Variants in IPO7 observed in about 807,000 individuals in gnomAD.
The protein encoded by IPO7 is importin 7, also known as importin-7.
IPO7 carries 13 observed loss-of-function variants against 136.4 expected under a neutral mutation model. The observed-to-expected ratio is 0.10, with a 90% CI of 0.06 to 0.15. The LOEUF (loss-of-function observed/expected upper bound fraction) is 0.15. IPO7 is among the 10% of genes least tolerant of loss of function. The probability of loss-of-function intolerance (pLI) is 1.00; values close to 1 mark genes in which losing one functional copy is unlikely to be tolerated. For synonymous variants in IPO7, 403 were observed against 404.4 expected (o/e 1.00, Z 0.04); for missense variants, 857 against 1,240.6 (o/e 0.69, Z 4.65).
intron 1 of IPO7, among the ~76,000 whole-genome samples, chr11:9,395,433 G>A (rs1181851694): frequency 3.3e-5 from 5 of 151,908 alleles, no homozygotes; most frequent in African/African-American, 1.2e-4. Context: ...CAGAGATGGG[G>A]TTTCACCATG....
intron 8 of IPO7, among the ~76,000 whole-genome samples, chr11:9,422,408 G>T (rs912979271): frequency 4.9e-4 from 72 of 145,914 alleles, no homozygotes; most frequent in African/African-American, 1.5e-3. Flanking sequence ...ACACAGTTTT[G>T]TTTTTTTTTT....
chr11:9,399,822 A>G (rs1854767772), intron 1 of IPO7, among the ~76,000 whole-genome samples: 1 of 152,160 alleles, frequency 6.6e-6, no homozygotes, highest in Non-Finnish European at 1.5e-5. Flanking sequence ...AATGGTTGGC[A>G]ATGTTCACAT....
chr11:9,408,557 C>A lies in IPO7; in HGVS notation c.238C>A (p.Pro80Thr). Residue 80 changes from proline to threonine, a missense_variant, in exon 3 of 25, where the codon CCT becomes ACT. Pro to Thr is a conservative substitution (Grantham distance 38). This residue lies in a region of IPO7 where 287 missense variants were observed against 307.5 expected (regional missense o/e 0.93). Coordinates refer to ENST00000379719, the MANE Select transcript of IPO7 (RefSeq NM_006391.3). Reference protein sequence around the residue: ...DRETAPGDISPYTIPEEDRHC... With the variant: ...DRETAPGDISTYTIPEEDRHC... ...AGAAACAGCACCAGGGGATATATCC[C>A]CTTATACTATTCCAGAAGAAGATCG... 1 of 1,609,876 alleles carries A rather than the reference C, an allele frequency of 6.2e-7. No individual in the cohort carries two copies. Among genetic ancestry groups the A allele is most frequent in the South Asian group, 1.1e-5 (1 of 90,528 alleles).
At chr11:9,427,198 A>T (rs2133754137) in intron 12 of IPO7, among the ~76,000 whole-genome samples, 1 of 152,234 alleles carries the variant, frequency 6.6e-6, no homozygotes, top group East Asian at 1.9e-4. Context: ...TTGAGTTGTT[A>T]GAAATCTTTA....
intron 1 of IPO7, among the ~76,000 whole-genome samples, chr11:9,388,073 G>C (rs1274338532): frequency 6.6e-6 from 1 of 151,682 alleles, no homozygotes; most frequent in Non-Finnish European, 1.5e-5. Flanking sequence ...CTTGAACCCG[G>C]GAGGTGGAGG....
intron 2 of IPO7, 82 bp from the exon 3 acceptor site, chr11:9,408,404 A>G (rs1854918151): frequency 5.0e-6 from 4 of 795,568 alleles, no homozygotes; most frequent in Non-Finnish European, 5.4e-6. Context: ...TGTGAAAGAA[A>G]TACTTGAGGT....
chr11:9,423,686 T>A (rs1389879229), intron 9 of IPO7, 91 bp from the exon 10 acceptor site: 1 of 735,920 alleles, frequency 1.4e-6, no homozygotes, highest in Non-Finnish European at 2.3e-6. Flanking sequence ...AAAATACATA[T>A]AGTGTTACTT....
chr11:9,423,745 T>C (rs767730133), intron 9 of IPO7, 32 bp from the exon 10 acceptor site: 4 of 1,340,676 alleles, frequency 3.0e-6, no homozygotes, highest in African/African-American at 1.5e-5. Flanking sequence ...TGAAAACTGA[T>C]GGTTATTGTT....
chr11:9,429,916 C>T (rs1855268674), intron 15 of IPO7, 82 bp downstream of exon 15: 1 of 1,028,384 alleles, frequency 9.7e-7, no homozygotes, highest in Non-Finnish European at 1.4e-6. Context: ...CAGTGGCTTG[C>T]CTTACCTTAT....
intron 8 of IPO7, among the ~76,000 whole-genome samples, chr11:9,422,282 T>C (rs892359039): frequency 2.6e-5 from 4 of 151,718 alleles, no homozygotes; most frequent in African/African-American, 9.7e-5. Context: ...AATAAACAAA[T>C]AAATAAATAA....
At position 9,431,019 on chromosome 11, in the gene IPO7, A is replaced by C. The variant is rs1242967039; in HGVS notation, c.1881+16A>C. 1 of 1,606,448 alleles carries C rather than the reference A, an allele frequency of 6.2e-7. No individual in the cohort carries two copies. The highest frequency in any genetic ancestry group is 2.2e-5 in the East Asian group (1 of 44,752). On this transcript the variant is annotated intron_variant, in intron 16 of 24. Coordinates refer to ENST00000379719, the MANE Select transcript of IPO7 (RefSeq NM_006391.3). Reference sequence around the variant, plus strand: ...TCATAAAGAGGTAAGAAGATGATCTAGTGTTGCAGTTTTTCAAGCCATTTT... The same window carrying C: ...TCATAAAGAGGTAAGAAGATGATCTCGTGTTGCAGTTTTTCAAGCCATTTT...
rs555468081 is a variant in IPO7, at chr11:9,422,358, A to G, written c.907-648A>G. On this transcript the variant is annotated intron_variant, in intron 8 of 24. Coordinates refer to ENST00000379719, the MANE Select transcript of IPO7 (RefSeq NM_006391.3). ...ATAAGGCATCAGAACATTTAACACC[A>G]TGGTTTTGTACCATTGGTGCAAATA... Among the ~76,000 whole-genome samples, 204 of 152,208 alleles carry G rather than the reference A, an allele frequency of 1.3e-3. 3 individuals carry two copies. Among genetic ancestry groups the G allele is most frequent in the African/African-American group, 3.4e-3 (141 of 41,538 alleles).
At chr11:9,422,179 T>G (rs11042345) in intron 8 of IPO7, among the ~76,000 whole-genome samples, 1 of 151,928 alleles carries the variant, frequency 6.6e-6, no homozygotes, top group East Asian at 1.9e-4. Flanking sequence ...CTCGGGAGGC[T>G]GAGGCAGGAG....
chr11:9,401,056 C>A (rs767429543), intron 1 of IPO7, among the ~76,000 whole-genome samples: 1 of 151,974 alleles, frequency 6.6e-6, no homozygotes, highest in African/African-American at 2.4e-5. Context: ...TGGCATGTGC[C>A]TGTAATCCCA....
intron 4 of IPO7, among the ~76,000 whole-genome samples, chr11:9,412,047 G>C (rs1232889591): frequency 6.6e-6 from 1 of 152,206 alleles, no homozygotes; most frequent in Admixed American, 6.5e-5. Flanking sequence ...AGATTGGAGA[G>C]TGCAAATGGC....
Position 9,420,739 on chromosome 11 carries a change from C to G in IPO7, c.906+41C>G, listed in dbSNP as rs112412417. Reference sequence around the variant, plus strand: ...GTTTTTCTCAGTGGAAACATGGCATCTTTAAGTTAATTTATATATTGCTTA... The same window carrying G: ...GTTTTTCTCAGTGGAAACATGGCATGTTTAAGTTAATTTATATATTGCTTA... On this transcript the variant is annotated intron_variant, in intron 8 of 24. Transcript: ENST00000379719. The G allele has an allele frequency of 9.0e-3, 11,943 of 1,320,090 alleles. 506 individuals carry two copies. The African/African-American group carries it at 0.11, about 12-fold the overall frequency. The allele number at this position is 1,320,090 out of a possible 1,614,324, so 81.8% of individuals were successfully genotyped here. A position where few individuals can be genotyped will look rare whatever the true frequency, so the allele number is the denominator to read the frequency against.
intron 1 of IPO7, among the ~76,000 whole-genome samples, chr11:9,385,079 G>C (rs1395192674): frequency 6.6e-6 from 1 of 152,168 alleles, no homozygotes. Flanking sequence ...CTCTGGCTGC[G>C]GTCTAGGCAT....
chr11:9,412,292 A>G (rs980221352), intron 4 of IPO7, among the ~76,000 whole-genome samples: 3 of 152,316 alleles, frequency 2.0e-5, no homozygotes, highest in Non-Finnish European at 4.4e-5. Context: ...GCTTTTAAAA[A>G]GAGTCTCCCA....
intron 22 of IPO7, among the ~76,000 whole-genome samples, chr11:9,439,173 C>T (rs984802814): frequency 6.6e-6 from 1 of 152,016 alleles, no homozygotes; most frequent in African/African-American, 2.4e-5. Flanking sequence ...TGGAGTGCAA[C>T]AGCGCGATCT....
Sources: allele counts gnomAD v4.1 joint callset (sites outside exome capture counted in the v4.1 genomes callset), GRCh38; gene constraint gnomAD v4.1.1; regional missense constraint gnomAD v4.1.1; transcripts MANE v1.5; gene names NCBI Gene and HGNC (gene_info 2026-07-23, HGNC 2026-07-21).